The following HECTD4 variants were observed in gnomAD, a reference collection of about 807,000 sequenced individuals.
HECTD4 encodes the protein probable E3 ubiquitin-protein ligase HECTD4.
A neutral mutation model predicts 471.5 loss-of-function variants in HECTD4; 114 were observed. The ratio of observed to expected loss-of-function variants is 0.24; its 90% CI spans 0.21 to 0.28. The LOEUF (loss-of-function observed/expected upper bound fraction) is 0.28, where lower values mean the gene tolerates loss of function less well. HECTD4 is among the 10% of genes least tolerant of loss of function. HECTD4 has a pLI of 1.00. For missense variants in HECTD4, 3,866 were observed against 5,651.5 expected, an observed-to-expected ratio of 0.68 and a Z score of 10.13; for synonymous variants, 2,012 against 2,256.0, an observed-to-expected ratio of 0.89 and a Z score of 3.07.
Position 112,239,365 on chromosome 12 carries a change from T to C in HECTD4, c.5106-129A>G. 1 of 660,972 alleles carries C rather than the reference T, an allele frequency of 1.5e-6. No homozygotes were observed. The highest frequency in any genetic ancestry group is 1.8e-5 in the African/African-American group (1 of 54,202). 40.9% of individuals were successfully genotyped at this position (660,972 alleles called of 1,614,324 possible). On this transcript the variant is annotated intron_variant, in intron 33 of 75. Transcript: ENST00000682272. This position sits in a 1 kb window ranked among gnomAD's most constrained non-coding sequence, Gnocchi z 4.9. ...TTCCCTACAACTTAGGATACTGCCA[T>C]GTGCAATCAAACACAAAATGATTTT...
At chr12:112,339,913 G>A (rs1177069078) in intron 1 of HECTD4, among the ~76,000 whole-genome samples, 1 of 152,030 alleles carries the variant, frequency 6.6e-6, no homozygotes, top group Non-Finnish European at 1.5e-5. Flanking sequence ...GCCAGTCATG[G>A]TGGTACACAC....
intron 37 of HECTD4, 93 bp downstream of exon 37, chr12:112,234,984 G>T: frequency 8.8e-7 from 1 of 1,137,736 alleles, no homozygotes. Flanking sequence ...AGAGGGCCGA[G>T]GCAGTCGATA....
chr12:112,218,573 A>G (rs1467309768), intron 45 of HECTD4, among the ~76,000 whole-genome samples: 5 of 152,216 alleles, frequency 3.3e-5, no homozygotes, highest in African/African-American at 1.2e-4. Flanking sequence ...GTTGTAGCAT[A>G]TATCAATACC....
At chr12:112,358,924 C>T (rs2036396899) in intron 1 of HECTD4, among the ~76,000 whole-genome samples, 1 of 151,988 alleles carries the variant, frequency 6.6e-6, no homozygotes, top group South Asian at 2.1e-4. Flanking sequence ...GCCTATAATC[C>T]CAGCACTTTG....
intron 7 of HECTD4, among the ~76,000 whole-genome samples, chr12:112,293,364 CAAAAAAA>C (rs754332904): frequency 2.9e-5 from 2 of 69,898 alleles, no homozygotes; most frequent in African/African-American, 5.3e-5. Context: ...GACTCTGTCT[CAAAAAAA>C]AAAAAAAAAA....
Position 112,171,151 on chromosome 12 carries a change from G to A in HECTD4, c.11898C>T (p.Thr3966=). 6.2e-7 allele frequency: 1 copy of A among 1,613,536 alleles called. No homozygotes were observed. ...LVELRQTPMY[T]HSIAALLKEA... ...CCTTCAGCAGGGCGGCGATGCTGTG[G>A]GTATACATGGGTGTCTGGCGCAGCT... The change falls in exon 68 of 76, where the codon ACC becomes ACT. Residue 3966 remains threonine, a synonymous_variant. Transcript: ENST00000682272.
intron 7 of HECTD4, among the ~76,000 whole-genome samples, chr12:112,296,882 A>C (rs1262577147): frequency 6.8e-6 from 1 of 146,820 alleles, no homozygotes; most frequent in Non-Finnish European, 1.5e-5. Context: ...CAGAAGGTGG[A>C]GGTGCAGTGG....
intron 54 of HECTD4, 73 bp from the exon 55 acceptor site, chr12:112,200,871 G>A: frequency 2.3e-6 from 3 of 1,302,644 alleles, no homozygotes; most frequent in Middle Eastern, 2.0e-4. Flanking sequence ...GTGCGTGTGT[G>A]TGTGCGTGCG....
chr12:112,205,494 G>T (rs2032550973), intron 52 of HECTD4, among the ~76,000 whole-genome samples: 1 of 152,112 alleles, frequency 6.6e-6, no homozygotes, highest in African/African-American at 2.4e-5. Context: ...GACTAAAAAT[G>T]GTCCATTATT....
At chr12:112,308,921 T>A (rs1351983393) in intron 5 of HECTD4, 30 bp from the exon 6 acceptor site, 1 of 1,529,832 alleles carries the variant, frequency 6.5e-7, no homozygotes, top group Non-Finnish European at 8.7e-7. Flanking sequence ...ACAGGCTGAA[T>A]CACCTGGCTA....
chr12:112,264,132 C>G lies in HECTD4; in HGVS notation c.2700G>C (p.Glu900Asp). 1 of 1,609,238 alleles carries G rather than the reference C, an allele frequency of 6.2e-7. No homozygotes were observed. Among genetic ancestry groups the G allele is most frequent in the Non-Finnish European group, 8.5e-7 (1 of 1,177,738 alleles). ...LSNTILIKPD[E>D]NDDSDSSLQG... is the part of the protein sequence containing the mutation. The stretch of plus-strand genomic sequence containing the variant: ...GCAAGGAGCTGTCACTGTCATCATT[C>G]TCATCAGGTTTAATCAAAATAGTGT... The change falls in exon 17 of 76, where the codon GAG (glutamate) becomes GAC (aspartate). Residue 900 changes from glutamate to aspartate, a missense_variant. Physicochemically the swap from Glu to Asp is conservative, Grantham distance 45. This residue lies in a region of HECTD4 where 525 missense variants were observed against 672.6 expected (regional missense o/e 0.78). Coordinates refer to ENST00000682272, the MANE Select transcript of HECTD4 (RefSeq NM_001388303.1).
intron 20 of HECTD4, 195 bp from the exon 21 acceptor site, chr12:112,256,713 G>T: frequency 2.7e-6 from 1 of 373,216 alleles, no homozygotes; most frequent in Non-Finnish European, 4.7e-6. Flanking sequence ...CTTGTTGTCA[G>T]ATATTATACT....
At chr12:112,366,589 A>AT (rs2036564375) in intron 1 of HECTD4, among the ~76,000 whole-genome samples, 1 of 151,884 alleles carries the variant, frequency 6.6e-6, no homozygotes, top group Non-Finnish European at 1.5e-5. Flanking sequence ...TTATTTCAAC[A>AT]TTAAAAAAAA....
intron 32 of HECTD4, among the ~76,000 whole-genome samples, chr12:112,241,471 A>AT (rs2033640952): frequency 6.6e-6 from 1 of 152,022 alleles, no homozygotes; most frequent in Non-Finnish European, 1.5e-5. Context: ...TGTCTTCTTC[A>AT]TTTTTTGTGA....
intron 23 of HECTD4, 68 bp from the exon 24 acceptor site, chr12:112,251,202 C>A: frequency 6.0e-6 from 9 of 1,493,028 alleles, no homozygotes; most frequent in Non-Finnish European, 5.5e-6. Context: ...CCTGTGCTGC[C>A]CCACACTGCA....
In HECTD4 at chr12:112,228,740, T is replaced by C; in HGVS notation, c.6591A>G (p.Thr2197=). 2 of 1,613,836 alleles carry C rather than the reference T, an allele frequency of 1.2e-6. No homozygotes were observed. Among genetic ancestry groups the C allele is most frequent in the Non-Finnish European group, 1.7e-6 (2 of 1,179,828 alleles). The change falls in exon 42 of 76, where the codon ACA becomes ACG. Residue 2197 remains threonine (T), a synonymous_variant. Transcript: ENST00000682272. The surrounding 1 kb of genome is among the most constrained non-coding windows in gnomAD (Gnocchi z 4.9). The part of the protein sequence containing the change: ...ASINEQEGIA[T]VRFPPIDCRK... ...TACAGTCTATGGGTGGGAATCTGAC[T>C]GTAGCTATACCTTCCTGTTCATTGA... is the stretch of plus-strand genomic sequence containing the variant.
intron 9 of HECTD4, among the ~76,000 whole-genome samples, chr12:112,275,691 T>C (rs918647753): frequency 2.8e-4 from 43 of 152,166 alleles, no homozygotes; most frequent in Non-Finnish European, 5.7e-4. Flanking sequence ...AACAAAACTT[T>C]AGCACTGTGT....
chr12:112,251,231 T>C, intron 23 of HECTD4, 97 bp from the exon 24 acceptor site: 1 of 1,208,302 alleles, frequency 8.3e-7, no homozygotes, highest in South Asian at 1.5e-5. Context: ...AACCACAGGG[T>C]TCTACAGAGC....
At position 112,228,303 on chromosome 12, in the gene HECTD4, T is replaced by G. The variant is rs1357235087; in HGVS notation, c.6685-45A>C. ...ATGGCAAAAAGTTAAATTCAAGTAGTTAGTTTATAAGAAATGAGGGTGTTA... is the reference window on the plus strand; with the variant it reads ...ATGGCAAAAAGTTAAATTCAAGTAGGTAGTTTATAAGAAATGAGGGTGTTA... On this transcript the variant is annotated intron_variant, in intron 42 of 75. Transcript: ENST00000682272. This position sits in a 1 kb window ranked among gnomAD's most constrained non-coding sequence, Gnocchi z 4.9. The G allele has an allele frequency of 2.0e-6, 3 of 1,506,784 alleles. No homozygotes were observed. 93.3% of individuals were successfully genotyped at this position (1,506,784 alleles called of 1,614,324 possible).
Sources: gnomAD v4.1 joint callset for allele counts (sites outside exome capture counted in the v4.1 genomes callset) on GRCh38, gnomAD v4.1.1 for gene constraint, gnomAD v4.1.1 regional missense constraint, Gnocchi (gnomAD v3.1) non-coding constraint, MANE v1.5 for transcripts, NCBI Gene and HGNC (gene_info 2026-07-23, HGNC 2026-07-21) for gene names.